The following TENM2 variants were observed in gnomAD, a reference collection of about 807,000 sequenced individuals.
The protein encoded by TENM2 is teneurin-2.
A neutral mutation model predicts 245.2 loss-of-function variants in TENM2; 52 were observed. The observed-to-expected ratio is 0.21, with a 90% CI of 0.17 to 0.27. The LOEUF (loss-of-function observed/expected upper bound fraction) is 0.27. TENM2 is among the 10% of genes least tolerant of loss of function. TENM2 has a pLI of 1.00. For missense variants in TENM2, 3,046 were observed against 3,666.8 expected (o/e 0.83, Z 4.37); for synonymous variants, 1,363 against 1,438.9 (o/e 0.95, Z 1.19).
At chr5:167,102,101 C>G in the TENM2 span, among the ~76,000 whole-genome samples, 2 of 150,688 alleles carry the variant, frequency 1.3e-5, no homozygotes, top group African/African-American at 2.4e-5. Context: ...TGGCACGTGG[C>G]TGTAATCTCA....
chr5:167,769,182 G>A (rs1007046060), intron 2 of TENM2, among the ~76,000 whole-genome samples: 1 of 152,224 alleles, frequency 6.6e-6, no homozygotes, highest in Non-Finnish European at 1.5e-5. Context: ...GAAGGCAAAT[G>A]ATAGTGATGA....
the TENM2 span, among the ~76,000 whole-genome samples, chr5:167,158,872 C>CTTCCTTCCTTCCTTCCTTCT: frequency 4.3e-5 from 6 of 140,980 alleles, no homozygotes; most frequent in African/African-American, 1.6e-4. Flanking sequence ...TCCTTCCTTC[C>CTTCCTTCCTTCCTTCCTTCT]TTCCTTCCTT....
intron 2 of TENM2, among the ~76,000 whole-genome samples, chr5:167,497,827 G>T (rs560806196): frequency 1.3e-5 from 2 of 151,972 alleles, no homozygotes; most frequent in African/African-American, 4.8e-5. Flanking sequence ...TCCGAATGCC[G>T]GTTGTCCCCT....
At chr5:167,603,198 C>T (rs995511777) in intron 2 of TENM2, among the ~76,000 whole-genome samples, 3 of 152,140 alleles carry the variant, frequency 2.0e-5, no homozygotes, top group Admixed American at 6.6e-5. Context: ...AATCAATTAA[C>T]AGGACACTGG....
chr5:168,096,082 T>C (rs1793346749), intron 8 of TENM2, among the ~76,000 whole-genome samples: 1 of 152,214 alleles, frequency 6.6e-6, no homozygotes, highest in African/African-American at 2.4e-5. Flanking sequence ...TTGTCTTTAC[T>C]ATACTGGGTA....
the TENM2 span, among the ~76,000 whole-genome samples, chr5:167,260,898 T>C: frequency 1.3e-5 from 2 of 152,208 alleles, no homozygotes; most frequent in African/African-American, 4.8e-5. Context: ...CATCACAATG[T>C]GTTCATTGCT....
rs527997307 is a variant in TENM2 at position 167,622,318 on chromosome 5, C to T, written c.502+246845C>T. Among the ~76,000 whole-genome samples the T allele has an allele frequency of 7.9e-5, 12 of 152,196 alleles. 1 individual carries two copies. The South Asian group carries it at 1.9e-3, about 24-fold the overall frequency. ...GAGGACTGAAAATTTTGCATAAAAG[C>T]GTAGCAATATAAAGCATGCCATGCT... On this transcript the variant is annotated intron_variant, in intron 2 of 28. Coordinates refer to ENST00000518659, the Ensembl canonical transcript of TENM2.
chr5:167,092,763 G>A, the TENM2 span, among the ~76,000 whole-genome samples: 1 of 152,130 alleles, frequency 6.6e-6, no homozygotes, highest in African/African-American at 2.4e-5. Context: ...AGTCACTCCT[G>A]TAATTATGAG....
At chr5:167,239,095 T>C in the TENM2 span, among the ~76,000 whole-genome samples, 1 of 152,218 alleles carries the variant, frequency 6.6e-6, no homozygotes, top group African/African-American at 2.4e-5. Flanking sequence ...AAGATTCACT[T>C]GTCTTTAAAA....
intron 2 of TENM2, among the ~76,000 whole-genome samples, chr5:167,832,013 A>G (rs1303114680): frequency 6.6e-6 from 1 of 152,104 alleles, no homozygotes; most frequent in East Asian, 1.9e-4. Flanking sequence ...AGCATCCCTG[A>G]GATGATATAA....
intron 4 of TENM2, among the ~76,000 whole-genome samples, chr5:167,973,746 C>G (rs1338128830): frequency 6.6e-6 from 1 of 152,052 alleles, no homozygotes; most frequent in Non-Finnish European, 1.5e-5. Context: ...TGCCAGCATT[C>G]TGGACCAACC....
intron 2 of TENM2, among the ~76,000 whole-genome samples, chr5:167,492,545 G>T (rs1335126719): frequency 1.3e-5 from 2 of 152,060 alleles, no homozygotes; most frequent in African/African-American, 4.8e-5. Flanking sequence ...TTAGGCTTCT[G>T]TAGTTTTATA....
chr5:167,717,841 G>A (rs1759370687), intron 2 of TENM2, among the ~76,000 whole-genome samples: 1 of 152,310 alleles, frequency 6.6e-6, no homozygotes, highest in East Asian at 1.9e-4. Flanking sequence ...GCTCACAGGT[G>A]TTATTCCAGA....
chr5:167,484,848 G>T (rs764854791), intron 2 of TENM2, among the ~76,000 whole-genome samples: 2 of 152,100 alleles, frequency 1.3e-5, no homozygotes, highest in Non-Finnish European at 2.9e-5. Flanking sequence ...CTCCTAAAAT[G>T]CTTAAGATGG....
intron 5 of TENM2, among the ~76,000 whole-genome samples, chr5:167,993,597 G>A (rs1168448180): frequency 1.3e-5 from 2 of 152,162 alleles, no homozygotes; most frequent in Non-Finnish European, 2.9e-5. Flanking sequence ...ATAGTGGTTG[G>A]CATGTCTGAG....
chr5:167,375,302 A>G, exon 2 of TENM2: 1 of 1,551,690 alleles, frequency 6.4e-7, no homozygotes, highest in South Asian at 1.2e-5. Context: ...CTCCCTTAGC[A>G]CAGGGTCTGA....
chr5:167,073,178 A>AT, the TENM2 span, among the ~76,000 whole-genome samples: 53 of 152,094 alleles, frequency 3.5e-4, no homozygotes, highest in Admixed American at 6.5e-4. Context: ...ATTTATTTGC[A>AT]TTTTTTTGGG....
intron 4 of TENM2, among the ~76,000 whole-genome samples, chr5:167,958,534 G>T (rs1325657426): frequency 6.6e-6 from 1 of 152,140 alleles, no homozygotes; most frequent in Non-Finnish European, 1.5e-5. Flanking sequence ...ATGCTAGCTG[G>T]TTATTTTGCC....
chr5:167,414,766 G>T (rs1763081017), intron 2 of TENM2, among the ~76,000 whole-genome samples: 1 of 152,124 alleles, frequency 6.6e-6, no homozygotes, highest in Non-Finnish European at 1.5e-5. Context: ...ATCTTAGGTC[G>T]ATTTCCAGCA....
Sources: gnomAD v4.1 joint callset for allele counts (sites outside exome capture counted in the v4.1 genomes callset) on GRCh38, gnomAD v4.1.1 for gene constraint, MANE v1.5 for transcripts, NCBI Gene and HGNC (gene_info 2026-07-23, HGNC 2026-07-21) for gene names.